OVCH1: variants seen among roughly 807,000 people sequenced by gnomAD.
OVCH1 encodes the protein ovochymase 1.
OVCH1 carries 139 observed loss-of-function variants against 138.4 expected under a neutral mutation model. The observed-to-expected ratio is 1.00, with a 90% confidence interval of 0.87 to 1.16. The LOEUF (loss-of-function observed/expected upper bound fraction) is 1.16. OVCH1 is among the 50% of genes most tolerant of loss of function. The pLI is 0.00. For missense variants in OVCH1, 1,367 were observed against 1,357.9 expected, an observed-to-expected ratio of 1.01 and a Z score of -0.11; for synonymous variants, 453 against 467.8, an observed-to-expected ratio of 0.97 and a Z score of 0.41.
At chr12:29,404,503 C>G in the OVCH1 span, among the ~76,000 whole-genome samples, 1 of 152,152 alleles carries the variant, frequency 6.6e-6, no homozygotes, top group African/African-American at 2.4e-5. Context: ...GCTGATGCAA[C>G]AGATCTCTGA....
exon 4 of OVCH1, chr12:29,495,450 G>C: frequency 6.2e-7 from 1 of 1,612,190 alleles, no homozygotes; most frequent in South Asian, 1.1e-5. Context: ...ATATTCTTCA[G>C]CTGCTTCCTA....
chr12:29,435,632 G>A (rs915042502), intron 26 of OVCH1, among the ~76,000 whole-genome samples: 1 of 152,108 alleles, frequency 6.6e-6, no homozygotes, highest in Non-Finnish European at 1.5e-5. Flanking sequence ...GGGATTACAG[G>A]CATGAGCTAC....
chr12:29,417,035 A>G (rs561557075), intron 3 of OVCH1, among the ~76,000 whole-genome samples: 1 of 152,334 alleles, frequency 6.6e-6, no homozygotes, highest in African/African-American at 2.4e-5. Flanking sequence ...ACTTGGATAA[A>G]TCTCCAGGGG....
intron 5 of OVCH1, among the ~76,000 whole-genome samples, chr12:29,490,134 G>C (rs1943234747): frequency 6.6e-6 from 1 of 152,096 alleles, no homozygotes; most frequent in Non-Finnish European, 1.5e-5. Context: ...TACAATCAAG[G>C]CTCACTGTAG....
At chr12:29,407,578 G>T (rs955945903), downstream of OVCH1, among the ~76,000 whole-genome samples, 8 of 151,126 alleles carry the variant, frequency 5.3e-5, no homozygotes, top group African/African-American at 7.2e-5. Flanking sequence ...GTTCCCCATT[G>T]CTTGTTTTTG....
intron 8 of OVCH1, among the ~76,000 whole-genome samples, chr12:29,479,828 T>TC (rs1047597232): frequency 4.3e-5 from 6 of 139,800 alleles, no homozygotes; most frequent in Admixed American, 6.9e-5. Context: ...TTTTTTCTTT[T>TC]TTTTTTTTTT....
At chr12:29,430,526 G>T (rs373061700) in intron 27 of OVCH1, among the ~76,000 whole-genome samples, 1 of 152,136 alleles carries the variant, frequency 6.6e-6, no homozygotes, top group South Asian at 2.1e-4. Flanking sequence ...CAGGTCAATG[G>T]AGTTACATTC....
chr12:29,484,645 A>G (rs1213958618), intron 8 of OVCH1, among the ~76,000 whole-genome samples, 68 bp downstream of exon 9: 1 of 152,088 alleles, frequency 6.6e-6, no homozygotes, highest in Non-Finnish European at 1.5e-5. Flanking sequence ...GCTGAAGTAG[A>G]GTGTTTTAAA....
At chr12:29,414,311 A>G (rs1941003979) in intron 3 of OVCH1, among the ~76,000 whole-genome samples, 1 of 152,074 alleles carries the variant, frequency 6.6e-6, no homozygotes, top group South Asian at 2.1e-4. Flanking sequence ...CAGGCATAAG[A>G]GTGTCCAGCC....
chr12:29,445,818 G>T (rs1941599102), intron 22 of OVCH1, among the ~76,000 whole-genome samples: 1 of 151,920 alleles, frequency 6.6e-6, no homozygotes, highest in Non-Finnish European at 1.5e-5. Flanking sequence ...GTTTTTTATT[G>T]ATTGCTTTGA....
At chr12:29,451,320 A>C in intron 22 of OVCH1, 25 bp downstream of exon 22, 1 of 1,581,462 alleles carries the variant, frequency 6.3e-7, no homozygotes, top group Non-Finnish European at 8.7e-7. Flanking sequence ...TCCTAGCACG[A>C]AGTTTATATG....
chr12:29,474,442 T>C (rs887958444), intron 14 of OVCH1, among the ~76,000 whole-genome samples: 1 of 152,158 alleles, frequency 6.6e-6, no homozygotes, highest in African/African-American at 2.4e-5. Flanking sequence ...AGATAATGCA[T>C]GTGAAATGCT....
intron 3 of OVCH1, among the ~76,000 whole-genome samples, chr12:29,417,842 C>T (rs1402837798): frequency 6.6e-6 from 1 of 151,576 alleles, no homozygotes; most frequent in Non-Finnish European, 1.5e-5. Flanking sequence ...ACTGTACAGC[C>T]AAGATTAAGA....
exon 7 of OVCH1, chr12:29,487,790 A>G: frequency 6.2e-7 from 1 of 1,606,266 alleles, no homozygotes; most frequent in Non-Finnish European, 8.5e-7. Flanking sequence ...CGGGAACTGA[A>G]CCTCCAGCAC....
chr12:29,406,917 C>T, the OVCH1 span, among the ~76,000 whole-genome samples: 1 of 137,016 alleles, frequency 7.3e-6, no homozygotes, highest in Non-Finnish European at 1.6e-5. Flanking sequence ...TTTACAGTCC[C>T]ACCAACAGTG....
chr12:29,472,963 A>G, intron 15 of OVCH1, 66 bp downstream of exon 15: 2 of 1,401,756 alleles, frequency 1.4e-6, no homozygotes. Context: ...AAGGGCTTCC[A>G]AAAGAGACAT....
downstream of OVCH1, among the ~76,000 whole-genome samples, chr12:29,424,093 TCAAA>T (rs1161274906): frequency 1.3e-5 from 2 of 152,170 alleles, no homozygotes; most frequent in Non-Finnish European, 1.5e-5. Context: ...GCTGAGAGCC[TCAAA>T]CAGAGATTTA....
chr12:29,423,565 G>A (rs900088871), downstream of OVCH1, among the ~76,000 whole-genome samples: 1 of 152,052 alleles, frequency 6.6e-6, no homozygotes, highest in Non-Finnish European at 1.5e-5. Flanking sequence ...AAGGATGGGA[G>A]GAAAAAAGGG....
chr12:29,468,627 C>T (rs1015035166), intron 16 of OVCH1, among the ~76,000 whole-genome samples: 1 of 152,222 alleles, frequency 6.6e-6, no homozygotes, highest in East Asian at 1.9e-4. Flanking sequence ...CTTGAGGCAT[C>T]TTTTCCATGG....
Sources: allele counts gnomAD v4.1 joint callset (sites outside exome capture counted in the v4.1 genomes callset), GRCh38; gene constraint gnomAD v4.1.1; transcripts MANE v1.5; gene names NCBI Gene and HGNC (gene_info 2026-07-23, HGNC 2026-07-21).